Variants in SPAG6 observed in about 807,000 individuals in gnomAD.
SPAG6 encodes the protein sperm-associated antigen 6.
Under a neutral mutation model 58.5 loss-of-function variants are expected in SPAG6, and 49 were observed. The ratio of observed to expected loss-of-function variants is 0.84; its 90% CI spans 0.67 to 1.06. The LOEUF (loss-of-function observed/expected upper bound fraction) is 1.06. Ranked by LOEUF, SPAG6 falls within the 50% of genes least tolerant of loss-of-function variation. The pLI is 0.00. For synonymous variants in SPAG6, 233 were observed against 225.6 expected (o/e 1.03, Z -0.29); for missense variants, 560 against 611.3 (o/e 0.92, Z 0.89).
intron 10 of SPAG6, chr10:22,412,557 C>T (rs1279275783): frequency 2.8e-6 from 3 of 1,074,724 alleles, no homozygotes; most frequent in Non-Finnish European, 4.1e-6. Context: ...TATGATACAT[C>T]AAAGCAGTGA....
chr10:22,352,241 C>G (rs1482481689), intron 2 of SPAG6, among the ~76,000 whole-genome samples: 1 of 151,602 alleles, frequency 6.6e-6, no homozygotes, highest in Non-Finnish European at 1.5e-5. Flanking sequence ...ATGAAATGAT[C>G]TCTATTCACT....
chr10:22,368,789 T>C lies in SPAG6; in HGVS notation c.472+111T>C, dbSNP rs1837267898. 4 of 770,454 alleles carry C rather than the reference T, an allele frequency of 5.2e-6. No homozygotes were observed. In the East Asian group the frequency reaches 1.1e-4, roughly 21 times the overall value. The allele number at this position is 770,454 out of a possible 1,614,324, so 47.7% of individuals were successfully genotyped here. A position where few individuals can be genotyped will look rare whatever the true frequency, so the allele number is the denominator to read the frequency against. The stretch of plus-strand genomic sequence containing the variant: ...ACATAGGTGGGGTTTTAATGATGTT[T>C]CTGTATGTGATGAGAAGTACGTTTT... On this transcript the variant is annotated intron_variant, in intron 4 of 10. Transcript: ENST00000376624.
chr10:22,382,818 G>T (rs1833984831), intron 4 of SPAG6, among the ~76,000 whole-genome samples: 1 of 152,076 alleles, frequency 6.6e-6, no homozygotes, highest in Non-Finnish European at 1.5e-5. Flanking sequence ...CTATATGTAT[G>T]GGCAAGAGAC....
Position 22,391,598 on chromosome 10 carries a change from C to T in SPAG6, c.1006-131C>T, listed in dbSNP as rs2132087947. 4 of 692,896 alleles carry T rather than the reference C, an allele frequency of 5.8e-6. No homozygotes were observed. In the East Asian group the frequency reaches 1.1e-4, roughly 19 times the overall value. 42.9% of individuals were successfully genotyped at this position (692,896 alleles called of 1,614,324 possible). On this transcript the variant is annotated intron_variant, in intron 7 of 10. Transcript: ENST00000376624. ...AAGAAATGACAGCCCCTGTGATGTG[C>T]TCATTTATTGAACCATTTAAGAAAA... is the stretch of plus-strand genomic sequence containing the variant.
intron 10 of SPAG6, among the ~76,000 whole-genome samples, chr10:22,412,188 G>A (rs894565859): frequency 1.3e-5 from 2 of 152,050 alleles, no homozygotes; most frequent in Non-Finnish European, 2.9e-5. Context: ...CCCAAGGCAT[G>A]CAGGATAAAG....
intron 9 of SPAG6, among the ~76,000 whole-genome samples, chr10:22,403,938 G>A (rs1249467870): frequency 6.6e-6 from 1 of 151,592 alleles, no homozygotes; most frequent in Non-Finnish European, 1.5e-5. Context: ...GTCTTCTTTT[G>A]AGAAGTGTCT....
intron 3 of SPAG6, among the ~76,000 whole-genome samples, chr10:22,367,187 T>G (rs1464771369): frequency 6.6e-6 from 1 of 152,086 alleles, no homozygotes; most frequent in Non-Finnish European, 1.5e-5. Flanking sequence ...AATTCTGCAG[T>G]ATAAAAAGTC....
At chr10:22,346,364 G>C (rs1245273952) in intron 2 of SPAG6, among the ~76,000 whole-genome samples, 3 of 152,038 alleles carry the variant, frequency 2.0e-5, no homozygotes, top group Non-Finnish European at 4.4e-5. Context: ...GTGAGAGGGG[G>C]AGAGAGGGGG....
intron 4 of SPAG6, among the ~76,000 whole-genome samples, chr10:22,371,320 C>T (rs1833686353): frequency 6.6e-6 from 1 of 152,070 alleles, no homozygotes; most frequent in Non-Finnish European, 1.5e-5. Flanking sequence ...GTGGTGCAAT[C>T]TCAGCTCGCT....
At chr10:22,356,752 C>G (rs963942958) in intron 2 of SPAG6, among the ~76,000 whole-genome samples, 16 of 152,150 alleles carry the variant, frequency 1.1e-4, no homozygotes, top group African/African-American at 3.1e-4. Flanking sequence ...TTTGCCATTA[C>G]CATTCTCCAG....
rs1854196 is a variant in SPAG6, at chr10:22,392,650, A to G, written c.1197+730A>G. Among the ~76,000 whole-genome samples the G allele has an allele frequency of 2.4e-3, 360 of 152,270 alleles. 2 individuals carry two copies. Among genetic ancestry groups the G allele is most frequent in the Non-Finnish European group, 4.0e-3 (271 of 67,972 alleles). On this transcript the variant is annotated intron_variant, in intron 8 of 10. Transcript: ENST00000376624. ...TTGACTTGGTTTGAGGGAAGTTCAC[A>G]GAACAGACAATAATTTAACAGTAAA...
At chr10:22,374,785 A>G (rs1038534848) in intron 4 of SPAG6, among the ~76,000 whole-genome samples, 2 of 152,060 alleles carry the variant, frequency 1.3e-5, no homozygotes, top group African/African-American at 4.8e-5. Flanking sequence ...CAAAAAAAAA[A>G]AAGATGAATT....
At chr10:22,357,605 T>C (rs1836904119) in intron 2 of SPAG6, among the ~76,000 whole-genome samples, 1 of 152,034 alleles carries the variant, frequency 6.6e-6, no homozygotes. Flanking sequence ...TTATTATACT[T>C]TAAGTTTTAG....
intron 8 of SPAG6, among the ~76,000 whole-genome samples, chr10:22,392,806 T>C (rs948249770): frequency 1.3e-5 from 2 of 152,172 alleles, no homozygotes; most frequent in Non-Finnish European, 1.5e-5. Context: ...CTGAAAGTTA[T>C]GTATAGTGAA....
chr10:22,410,200 T>G (rs1390930329), intron 9 of SPAG6, among the ~76,000 whole-genome samples: 1 of 152,152 alleles, frequency 6.6e-6, no homozygotes, highest in Non-Finnish European at 1.5e-5. Flanking sequence ...TTTCTATGCC[T>G]ACTCTTTAGT....
intron 4 of SPAG6, among the ~76,000 whole-genome samples, chr10:22,373,565 A>C (rs1833752548): frequency 1.3e-5 from 2 of 152,232 alleles, no homozygotes; most frequent in African/African-American, 4.8e-5. Flanking sequence ...GATAAGAGCT[A>C]AGGACTTTGA....
intron 4 of SPAG6, among the ~76,000 whole-genome samples, chr10:22,381,511 C>A (rs1317715787): frequency 6.6e-6 from 1 of 150,978 alleles, no homozygotes; most frequent in Non-Finnish European, 1.5e-5. Context: ...CACTCCCCGA[C>A]CTTTTTTTTT....
In SPAG6 at chr10:22,368,616, T is replaced by A. The variant is rs1255083020; in HGVS notation, c.410T>A (p.Phe137Tyr). 66 of 1,614,006 alleles carry A rather than the reference T, an allele frequency of 4.1e-5. No homozygotes were observed. Among genetic ancestry groups the A allele is most frequent in the Non-Finnish European group, 5.4e-5 (64 of 1,179,940 alleles). The change falls in exon 4 of 11, where the codon TTT (phenylalanine) becomes TAT (tyrosine). Residue 137 changes from phenylalanine (F) to tyrosine (Y), a missense_variant. Transcript: ENST00000376624. ...ACGCTGGTCATATGCTTGGAAGATTTTGACCCTGGAGTCAAGGAGGCTGCA... is the reference window on the plus strand; with the variant it reads ...ACGCTGGTCATATGCTTGGAAGATTATGACCCTGGAGTCAAGGAGGCTGCA... Reference protein sequence around the residue: ...LDTLVICLEDFDPGVKEAAAW... With the variant: ...LDTLVICLEDYDPGVKEAAAW...
At chr10:22,394,907 C>G (rs1834259924) in intron 8 of SPAG6, among the ~76,000 whole-genome samples, 1 of 152,030 alleles carries the variant, frequency 6.6e-6, no homozygotes, top group African/African-American at 2.4e-5. Context: ...GACAGGGTCT[C>G]ACTGTGTTGC....
Sources: allele counts gnomAD v4.1 joint callset (sites outside exome capture counted in the v4.1 genomes callset), GRCh38; gene constraint gnomAD v4.1.1; transcripts MANE v1.5; gene names NCBI Gene and HGNC (gene_info 2026-07-23, HGNC 2026-07-21).